The following DDX60L variants were observed in gnomAD, a reference collection of about 807,000 sequenced individuals.
DDX60L encodes probable ATP-dependent RNA helicase DDX60-like.
In DDX60L, 191 loss-of-function variants were observed where a neutral mutation model predicts 211.6. The observed-to-expected ratio is 0.90, with a 90% CI of 0.80 to 1.02. DDX60L has a LOEUF of 1.02. DDX60L is among the 50% of genes least tolerant of loss of function. The pLI is 0.00. For synonymous variants in DDX60L, 706 were observed against 694.1 expected (o/e 1.02, Z -0.27); for missense variants, 2,007 against 1,984.1 (o/e 1.01, Z -0.22).
intron 17 of DDX60L, among the ~76,000 whole-genome samples, chr4:168,420,797 T>C (rs1750477943): frequency 6.6e-6 from 1 of 152,182 alleles, no homozygotes; most frequent in Non-Finnish European, 1.5e-5. Flanking sequence ...ACCATTGCTC[T>C]GCCTGGGATC....
chr4:168,361,013 T>C (rs1739017825), intron 37 of DDX60L, 136 bp downstream of exon 37: 1 of 659,754 alleles, frequency 1.5e-6, no homozygotes, highest in Non-Finnish European at 2.7e-6. Context: ...AGCTGAATTG[T>C]AGAGAACCTG....
At position 168,404,068 on chromosome 4, in the gene DDX60L, C is replaced by A; in HGVS notation, c.3252G>T (p.Leu1084Phe). 1 of 1,437,010 alleles carries A rather than the reference C, an allele frequency of 7.0e-7. No individual in the cohort carries two copies. The highest frequency in any genetic ancestry group is 9.2e-7 in the Non-Finnish European group (1 of 1,082,814). 89.0% of individuals were successfully genotyped at this position (1,437,010 alleles called of 1,614,324 possible). A position where few individuals can be genotyped will look rare whatever the true frequency, so the allele number is the denominator to read the frequency against. Residue 1084 changes from leucine (L) to phenylalanine (F), a missense_variant, in exon 25 of 38, where the codon TTG becomes TTT. Physicochemically the swap from Leu to Phe is conservative, Grantham distance 22. Coordinates refer to ENST00000682922, the MANE Select transcript of DDX60L (RefSeq NM_001012967.3). ...TTTTCACCATATCTTTTGAACTAGA[C>A]AATGAATCCGGACTAAGGTTCTTCA... ...RVLKNLSPDSLSSSKDMVKMF... is the reference protein window; with the variant it reads ...RVLKNLSPDSFSSSKDMVKMF...
At chr4:168,403,214 T>A (rs1747137245) in intron 25 of DDX60L, among the ~76,000 whole-genome samples, 1 of 152,238 alleles carries the variant, frequency 6.6e-6, no homozygotes, top group African/African-American at 2.4e-5. Flanking sequence ...TCTCTTATCA[T>A]CATCTTTTGG....
Position 168,427,241 on chromosome 4 carries a change from C to A in DDX60L, c.1759G>T (p.Asp587Tyr). 1 of 1,613,706 alleles carries A rather than the reference C, an allele frequency of 6.2e-7. No individual in the cohort carries two copies. Among genetic ancestry groups the A allele is most frequent in the Non-Finnish European group, 8.5e-7 (1 of 1,179,738 alleles). The part of the protein sequence containing the change: ...KEDQNKAQQN[D>Y]DLLFSIEEEM... ...TCTTCAATAGAAAACAGCAGATCATCGTTTTGCTGAGCTTTGTTCTGATCT... is the reference window on the plus strand; with the variant it reads ...TCTTCAATAGAAAACAGCAGATCATAGTTTTGCTGAGCTTTGTTCTGATCT... Residue 587 changes from aspartate to tyrosine, a missense_variant, in exon 14 of 38, where the codon GAT becomes TAT. Physicochemically the swap from Asp to Tyr is radical, Grantham distance 160. Transcript: ENST00000682922.
intron 7 of DDX60L, among the ~76,000 whole-genome samples, chr4:168,455,101 T>C (rs1407570189): frequency 6.6e-6 from 1 of 152,126 alleles, no homozygotes; most frequent in Non-Finnish European, 1.5e-5. Context: ...GCTGATAGAT[T>C]TAAGAAATGG....
chr4:168,398,340 C>T (rs555530776), intron 26 of DDX60L, among the ~76,000 whole-genome samples: 6 of 152,316 alleles, frequency 3.9e-5, no homozygotes, highest in East Asian at 1.9e-4. Flanking sequence ...CTCAGGACAG[C>T]GCTGACATGC....
intron 1 of DDX60L, among the ~76,000 whole-genome samples, chr4:168,475,324 T>C (rs544311123): frequency 3.3e-5 from 5 of 152,370 alleles, no homozygotes; most frequent in African/African-American, 1.2e-4. Context: ...CTGAATGCTC[T>C]GACATATGAC....
intron 8 of DDX60L, among the ~76,000 whole-genome samples, chr4:168,450,371 C>T (rs1426172665): frequency 1.3e-5 from 2 of 151,936 alleles, no homozygotes; most frequent in East Asian, 3.9e-4. Flanking sequence ...GCATTCTTGG[C>T]TCACTGGCTT....
At chr4:168,366,042 T>C (rs1739928563) in intron 36 of DDX60L, among the ~76,000 whole-genome samples, 1 of 152,236 alleles carries the variant, frequency 6.6e-6, no homozygotes, top group Non-Finnish European at 1.5e-5. Flanking sequence ...AAAAGCCATA[T>C]ATGACAAATC....
At chr4:168,395,466 T>A (rs555130592) in intron 27 of DDX60L, among the ~76,000 whole-genome samples, 9 of 152,328 alleles carry the variant, frequency 5.9e-5, no homozygotes, top group African/African-American at 1.9e-4. Flanking sequence ...GTGACATTAT[T>A]TTTATTTTCT....
intron 15 of DDX60L, among the ~76,000 whole-genome samples, chr4:168,423,138 G>T (rs1167218362): frequency 6.6e-6 from 1 of 152,006 alleles, no homozygotes; most frequent in Non-Finnish European, 1.5e-5. Flanking sequence ...CTTTTAAATA[G>T]TGTAATATTT....
intron 36 of DDX60L, among the ~76,000 whole-genome samples, chr4:168,365,262 A>T (rs917699821): frequency 1.3e-5 from 2 of 152,048 alleles, no homozygotes; most frequent in Non-Finnish European, 2.9e-5. Context: ...GATAAACAAA[A>T]TTGATAAACC....
chr4:168,446,264 T>A (rs1754778449), intron 9 of DDX60L, among the ~76,000 whole-genome samples: 1 of 152,026 alleles, frequency 6.6e-6, no homozygotes, highest in African/African-American at 2.4e-5. Flanking sequence ...AAATCATGAG[T>A]GAACTCCCAT....
At chr4:168,449,685 T>TAAAAAAAAAAAA (rs1554017194) in intron 8 of DDX60L, among the ~76,000 whole-genome samples, 4 of 73,528 alleles carry the variant, frequency 5.4e-5, no homozygotes, top group Non-Finnish European at 1.1e-4. Context: ...AAAAAATTAC[T>TAAAAAAAAAAAA]AAATGATGTG....
At position 168,396,221 on chromosome 4, in the gene DDX60L, C is replaced by T. The variant is rs970541851; in HGVS notation, c.3492-97G>A. ...GCCCCACAGATTTCCCTTGGTCATC[C>T]GACGTTGACAGTAGCTCCATCAATC... On this transcript the variant is annotated intron_variant, in intron 26 of 37. Transcript: ENST00000682922. 2.7e-5 allele frequency: 19 copies of T among 700,210 alleles called. 1 individual carries two copies. The highest frequency in any genetic ancestry group is 2.4e-4 in the African/African-American group (13 of 54,654). The allele number at this position is 700,210 out of a possible 1,614,324, so 43.4% of individuals were successfully genotyped here.
At chr4:168,413,317 C>T (rs1749007034) in intron 22 of DDX60L, among the ~76,000 whole-genome samples, 1 of 151,842 alleles carries the variant, frequency 6.6e-6, no homozygotes, top group African/African-American at 2.4e-5. Flanking sequence ...AAGGCAAAGA[C>T]ACATTAAAAA....
chr4:168,452,185 C>T (rs1209872564), intron 8 of DDX60L, among the ~76,000 whole-genome samples: 3 of 152,332 alleles, frequency 2.0e-5, no homozygotes, highest in Middle Eastern at 3.4e-3. Context: ...AGCTGCCTGA[C>T]AGACTGGTTT....
chr4:168,464,853 TTATATAGTG>T (rs1757775272), intron 4 of DDX60L, among the ~76,000 whole-genome samples: 1 of 152,166 alleles, frequency 6.6e-6, no homozygotes, highest in Non-Finnish European at 1.5e-5. Flanking sequence ...CCAAATAGTA[TTATATAGTG>T]TATATATACA....
chr4:168,447,982 A>T, intron 9 of DDX60L, among the ~76,000 whole-genome samples: 1 of 151,770 alleles, frequency 6.6e-6, no homozygotes, highest in Non-Finnish European at 1.5e-5. Flanking sequence ...TACATATGTA[A>T]CTAACCTGCA....
Sources: gnomAD v4.1 joint callset for allele counts (sites outside exome capture counted in the v4.1 genomes callset) on GRCh38, gnomAD v4.1.1 for gene constraint, MANE v1.5 for transcripts, NCBI Gene and HGNC (gene_info 2026-07-23, HGNC 2026-07-21) for gene names.